WWOX: variants seen among roughly 807,000 people sequenced by gnomAD.
The protein encoded by WWOX is WW domain containing oxidoreductase.
Under a neutral mutation model 46.2 loss-of-function variants are expected in WWOX, and 69 were observed. The ratio of observed to expected loss-of-function variants is 1.49; its 90% CI spans 1.23 to 1.82. The LOEUF (loss-of-function observed/expected upper bound fraction) is 1.82. WWOX is among the 40% of genes most tolerant of loss of function. The probability of loss-of-function intolerance (pLI) is 0.00; values close to 1 mark genes in which losing one functional copy is unlikely to be tolerated. For synonymous variants in WWOX, 359 were observed against 202.6 expected (o/e 1.77, Z -6.56); for missense variants, 919 against 542.6 (o/e 1.69, Z -6.89).
chr16:78,865,067 A>T (rs534939426), intron 8 of WWOX, among the ~76,000 whole-genome samples: 2 of 152,016 alleles, frequency 1.3e-5, no homozygotes, highest in Non-Finnish European at 2.9e-5. Context: ...CTGGCTTTCA[A>T]ATTCCATTTT....
intron 7 of WWOX, among the ~76,000 whole-genome samples, chr16:78,428,978 A>G (rs2083152765): frequency 1.3e-5 from 2 of 152,182 alleles, no homozygotes; most frequent in South Asian, 4.1e-4. Context: ...AAACTGTCAA[A>G]TTCTCATCAT....
chr16:79,034,594 G>A (rs62040105), intron 8 of WWOX, among the ~76,000 whole-genome samples: 10,460 of 152,150 alleles, frequency 0.069, 462 homozygotes, highest in South Asian at 0.2. Context: ...CTGTTGTGGA[G>A]TGATTATCTG....
chr16:78,564,354 T>G (rs1247168468), intron 8 of WWOX, among the ~76,000 whole-genome samples: 1 of 152,214 alleles, frequency 6.6e-6, no homozygotes, highest in Non-Finnish European at 1.5e-5. Flanking sequence ...AGTATTCAGT[T>G]ATTTGGTGAG....
chr16:78,667,620 A>G (rs547432315), intron 8 of WWOX, among the ~76,000 whole-genome samples: 2 of 149,084 alleles, frequency 1.3e-5, no homozygotes, highest in Admixed American at 1.3e-4. Context: ...GCAGTGAGCC[A>G]AGATCGTGCC....
At chr16:78,538,577 C>T (rs894956788) in intron 8 of WWOX, among the ~76,000 whole-genome samples, 1 of 152,192 alleles carries the variant, frequency 6.6e-6, no homozygotes, top group Non-Finnish European at 1.5e-5. Context: ...ACTGCTCATT[C>T]TGTTCTCTGA....
intron 8 of WWOX, among the ~76,000 whole-genome samples, chr16:79,178,665 A>G (rs1177940345): frequency 6.6e-6 from 1 of 152,104 alleles, no homozygotes; most frequent in Non-Finnish European, 1.5e-5. Context: ...ATCTTCGAAG[A>G]ATCCGTAGTC....
chr16:79,115,319 C>G (rs914467059), intron 8 of WWOX, among the ~76,000 whole-genome samples: 2 of 152,200 alleles, frequency 1.3e-5, no homozygotes, highest in African/African-American at 4.8e-5. Context: ...TATACTTCAT[C>G]TCATTCCAAC....
chr16:78,725,785 A>G (rs938629081), intron 8 of WWOX, among the ~76,000 whole-genome samples: 2 of 151,958 alleles, frequency 1.3e-5, no homozygotes, highest in African/African-American at 4.8e-5. Context: ...GATCTACTCC[A>G]TGCCTTTGTC....
chr16:78,887,080 GTGTGT>G (rs2044476472), intron 8 of WWOX, among the ~76,000 whole-genome samples: 1,370 of 122,536 alleles, frequency 0.011, 48 homozygotes, highest in Middle Eastern at 0.024. Flanking sequence ...TGTGTGTGGT[GTGTGT>G]GTGTGTGTGT....
intron 8 of WWOX, among the ~76,000 whole-genome samples, chr16:78,938,813 G>A (rs2045794546): frequency 6.6e-6 from 1 of 152,142 alleles, no homozygotes; most frequent in African/African-American, 2.4e-5. Flanking sequence ...GGGCTGGCGA[G>A]GAGAGCAGTC....
At position 78,481,233 on chromosome 16, in the gene WWOX, C is replaced by T. The variant is rs189180460; in HGVS notation, c.1056+48481C>T. Among the ~76,000 whole-genome samples, 4 of 152,280 alleles carry T rather than the reference C, an allele frequency of 2.6e-5. No homozygotes were observed. The East Asian group carries it at 5.8e-4, about 22-fold the overall frequency. On this transcript the variant is annotated intron_variant, in intron 8 of 8. Coordinates refer to ENST00000566780, the MANE Select transcript of WWOX (RefSeq NM_016373.4). ...AGGCGTATGCCCTTAATTTTTCTAA[C>T]TGATGAAAGCGTACTTCCATCAACT...
chr16:78,874,970 C>T (rs889628354), intron 8 of WWOX, among the ~76,000 whole-genome samples: 6 of 152,286 alleles, frequency 3.9e-5, no homozygotes, highest in East Asian at 1.9e-4. Flanking sequence ...CATGACTTCA[C>T]GTTGCATACA....
At chr16:79,006,988 C>T (rs12598700) in intron 8 of WWOX, among the ~76,000 whole-genome samples, 36,886 of 152,054 alleles carry the variant, frequency 0.24, 4,922 homozygotes, top group East Asian at 0.53. Flanking sequence ...TTCCCTTTGT[C>T]GCGTAACCTA....
intron 8 of WWOX, among the ~76,000 whole-genome samples, chr16:78,580,316 C>G (rs527586629): frequency 4.6e-5 from 7 of 152,280 alleles, no homozygotes; most frequent in African/African-American, 1.7e-4. Flanking sequence ...TACAGTATTG[C>G]ACCTTCCTCG....
intron 8 of WWOX, among the ~76,000 whole-genome samples, chr16:78,800,216 A>T (rs2050850814): frequency 6.6e-6 from 1 of 151,794 alleles, no homozygotes. Flanking sequence ...ATGCGATTTT[A>T]ATGATTGTGT....
chr16:78,745,522 C>CTTTTTTTTTTTTTTTTTT (rs5818168), intron 8 of WWOX, among the ~76,000 whole-genome samples: 10 of 92,750 alleles, frequency 1.1e-4, no homozygotes, highest in Non-Finnish European at 1.4e-4. Flanking sequence ...TGTGGAAATC[C>CTTTTTTTTTTTTTTTTTT]TTTTTTTTTT....
At chr16:78,904,312 C>G (rs1028877551) in intron 8 of WWOX, among the ~76,000 whole-genome samples, 3 of 146,186 alleles carry the variant, frequency 2.1e-5, no homozygotes, top group Non-Finnish European at 4.5e-5. Flanking sequence ...GATCTCGGCT[C>G]ACTGCAACCT....
chr16:79,035,694 A>G (rs1204766569), intron 8 of WWOX, among the ~76,000 whole-genome samples: 1 of 152,118 alleles, frequency 6.6e-6, no homozygotes, highest in Non-Finnish European at 1.5e-5. Flanking sequence ...GTGCACCACC[A>G]TGCCTGGCTA....
intron 8 of WWOX, among the ~76,000 whole-genome samples, chr16:79,141,702 G>C (rs1413323494): frequency 6.6e-6 from 1 of 151,752 alleles, no homozygotes; most frequent in Non-Finnish European, 1.5e-5. Context: ...ACTCTCCAGT[G>C]CTTCTTGGTG....
Sources: gnomAD v4.1 joint callset for allele counts (sites outside exome capture counted in the v4.1 genomes callset) on GRCh38, gnomAD v4.1.1 for gene constraint, MANE v1.5 for transcripts, NCBI Gene and HGNC (gene_info 2026-07-23, HGNC 2026-07-21) for gene names.